The following DLGAP3 variants were observed in gnomAD, a reference collection of about 807,000 sequenced individuals.
DLGAP3 encodes disks large-associated protein 3.
Under a neutral mutation model 81.2 loss-of-function variants are expected in DLGAP3, and 17 were observed. The ratio of observed to expected loss-of-function variants is 0.21; its 90% CI spans 0.14 to 0.31. The LOEUF (loss-of-function observed/expected upper bound fraction) is 0.31. Ranked by LOEUF, DLGAP3 falls within the 10% of genes least tolerant of loss-of-function variation. The pLI, the probability that DLGAP3 is intolerant of heterozygous loss-of-function variation, is 1.00. For missense variants in DLGAP3, 1,124 were observed against 1,388.0 expected (o/e 0.81, Z 3.02); for synonymous variants, 577 against 587.4 (o/e 0.98, Z 0.26).
chr1:34,911,807 C>T (rs1639644660), intron 1 of DLGAP3, among the ~76,000 whole-genome samples: 2 of 152,228 alleles, frequency 1.3e-5, no homozygotes, highest in Admixed American at 1.3e-4. Flanking sequence ...GAGGTTGTCA[C>T]TGCCCCAAGC....
At chr1:34,885,964 G>A (rs1422910801) in intron 6 of DLGAP3, 108 bp downstream of exon 6, 1 of 1,259,356 alleles carries the variant, frequency 7.9e-7, no homozygotes, top group East Asian at 2.5e-5. Context: ...CCGACCCCGG[G>A]AGCGAGCGAT....
chr1:34,865,952 C>T lies in DLGAP3; in HGVS notation c.*131G>A, dbSNP rs1369304534. 2 of 807,484 alleles carry T rather than the reference C, an allele frequency of 2.5e-6. No homozygotes were observed. Among genetic ancestry groups the T allele is most frequent in the Non-Finnish European group, 3.9e-6 (2 of 509,250 alleles). The allele number at this position is 807,484 out of a possible 1,614,324, so 50.0% of individuals were successfully genotyped here. A position where few individuals can be genotyped will look rare whatever the true frequency, so the allele number is the denominator to read the frequency against. On this transcript the variant is annotated 3_prime_UTR_variant, in exon 12 of 12. Transcript: ENST00000373347. ...AAAACCCACGAGAGTGTGACGGGCC[C>T]GGGGGCCGGGGCGTCCGGTGCCGGT... is the stretch of plus-strand genomic sequence containing the variant.
In DLGAP3 at chr1:34,900,257, CAGTCATCT is replaced by C; in HGVS notation, c.1116_1123del (p.Asp373GlyfsTer29). 6.2e-7 allele frequency: 1 copy of C among 1,614,036 alleles called. No homozygotes were observed. Among genetic ancestry groups the C allele is most frequent in the Non-Finnish European group, 8.5e-7 (1 of 1,180,026 alleles). On this transcript the variant is annotated frameshift_variant, in exon 4 of 12. Transcript: ENST00000373347. LOFTEE classifies it high-confidence loss of function. The surrounding 1 kb of genome is among the most constrained non-coding windows in gnomAD (Gnocchi z 5.6). ...CTTGCCACCGGTGGGGTAACCCCCC[CAGTCATCT>C]TGCGGCACCTGCAGGAACAGGGGTC...
At chr1:34,915,031 G>A (rs561132286) in intron 1 of DLGAP3, among the ~76,000 whole-genome samples, 2 of 152,108 alleles carry the variant, frequency 1.3e-5, no homozygotes, top group Non-Finnish European at 2.9e-5. Context: ...CAGGGTTAGT[G>A]GTCTCTCTTG....
chr1:34,927,753 T>C (rs969990520), intron 1 of DLGAP3, among the ~76,000 whole-genome samples: 1 of 142,580 alleles, frequency 7.0e-6, no homozygotes, highest in African/African-American at 2.6e-5. Flanking sequence ...AGCCCCAGCA[T>C]TCAGGGAATG....
intron 8 of DLGAP3, among the ~76,000 whole-genome samples, chr1:34,881,956 A>G (rs574209962): frequency 6.6e-6 from 1 of 152,362 alleles, no homozygotes; most frequent in South Asian, 2.1e-4. Context: ...AAACATAGCC[A>G]CTAAAGTCAA....
Position 34,868,881 on chromosome 1 carries a change from A to G in DLGAP3, c.2209T>C (p.Trp737Arg). The G allele has an allele frequency of 1.3e-6, 2 of 1,597,424 alleles. No individual in the cohort carries two copies. The highest frequency in any genetic ancestry group is 1.3e-5 in the African/African-American group (1 of 74,828). Residue 737 changes from tryptophan to arginine, a missense_variant, in exon 9 of 12, where the codon TGG becomes CGG. Physicochemically the swap from Trp to Arg is moderately radical, Grantham distance 101 (BLOSUM62 -3). This residue lies in a region of DLGAP3 where 379 missense variants were observed against 455.7 expected (regional missense o/e 0.83). Transcript: ENST00000373347. This position sits in a 1 kb window ranked among gnomAD's most constrained non-coding sequence, Gnocchi z 7.5. ...AGTGGGTAGCCCTCGCGGTAGGCCC[A>G]CTGGCCCTGCGTGTGGACCGTGCGG... Reference protein sequence around the residue: ...VFRTVHTQGQWAYREGYPLPY... With the variant: ...VFRTVHTQGQRAYREGYPLPY...
Position 34,900,995 on chromosome 1 carries a change from CT to C in DLGAP3, c.1108-723del, listed in dbSNP as rs1267517024. ...TCGAGGATGACTGCCAGGCTGCTGG[CT>C]GAGGACCTGGGGGAGGGTGCTGCCG... On this transcript the variant is annotated intron_variant, in intron 3 of 11. Coordinates refer to ENST00000373347, the MANE Select transcript of DLGAP3 (RefSeq NM_001080418.3). This position sits in a 1 kb window ranked among gnomAD's most constrained non-coding sequence, Gnocchi z 5.6. Among the ~76,000 whole-genome samples the C allele has an allele frequency of 2.0e-5, 3 of 151,898 alleles. No individual in the cohort carries two copies. Among genetic ancestry groups the C allele is most frequent in the African/African-American group, 7.3e-5 (3 of 41,334 alleles).
intron 5 of DLGAP3, among the ~76,000 whole-genome samples, chr1:34,886,943 CTTTT>C (rs949966445): frequency 4.3e-3 from 275 of 64,246 alleles, no homozygotes; most frequent in Non-Finnish European, 7.0e-3. Context: ...CCCCCACCTT[CTTTT>C]TTTTTTTTTT....
At chr1:34,869,125 AGGC>A in intron 8 of DLGAP3, 36 bp from the exon 9 acceptor site, 1 of 1,505,356 alleles carries the variant, frequency 6.6e-7, no homozygotes, top group Non-Finnish European at 9.0e-7. Flanking sequence ...CCCATTGCCC[AGGC>A]TCATGCCAGC....
chr1:34,874,162 ATGAG>A (rs1639017754), intron 8 of DLGAP3, among the ~76,000 whole-genome samples: 1 of 152,202 alleles, frequency 6.6e-6, no homozygotes, highest in Non-Finnish European at 1.5e-5. Flanking sequence ...ATTCTGGAAC[ATGAG>A]ACCAAAGGGA....
At chr1:34,916,535 T>C (rs182636194) in intron 1 of DLGAP3, among the ~76,000 whole-genome samples, 1 of 152,312 alleles carries the variant, frequency 6.6e-6, no homozygotes, top group African/African-American at 2.4e-5. Flanking sequence ...AAACTGAAGC[T>C]TAGAAATGTA....
chr1:34,880,877 G>A (rs981916826), intron 8 of DLGAP3, among the ~76,000 whole-genome samples: 37 of 152,028 alleles, frequency 2.4e-4, no homozygotes, highest in African/African-American at 8.4e-4. Flanking sequence ...AACCAGAATA[G>A]GTCAATAATC....
At chr1:34,922,128 GC>G (rs1639805363) in intron 1 of DLGAP3, among the ~76,000 whole-genome samples, 1 of 152,108 alleles carries the variant, frequency 6.6e-6, no homozygotes, top group Non-Finnish European at 1.5e-5. Flanking sequence ...CCCACATACA[GC>G]CCTGAGCACC....
rs747171389 is a variant in DLGAP3 at position 34,905,274 on chromosome 1, G to C, written c.110C>G (p.Ser37Cys). Reference sequence around the variant, plus strand: ...GGGCTCGGTGGAGAAGGCCTCCCTGGAGCCCAGCAGGTATGGGGCCCTGGC... The same window carrying C: ...GGGCTCGGTGGAGAAGGCCTCCCTGCAGCCCAGCAGGTATGGGGCCCTGGC... Reference protein sequence around the residue: ...PAARAPYLLGSREAFSTEPRF... With the variant: ...PAARAPYLLGCREAFSTEPRF... The change falls in exon 3 of 12, where the codon TCC becomes TGC. Residue 37 changes from serine (S) to cysteine (C), a missense_variant. By Grantham distance (112) the Ser-to-Cys change is moderately radical (BLOSUM62 -1). Coordinates refer to ENST00000373347, the MANE Select transcript of DLGAP3 (RefSeq NM_001080418.3). 4.5e-6 allele frequency: 7 copies of C among 1,566,914 alleles called. No individual in the cohort carries two copies. The Admixed American group carries it at 1.3e-4, about 29-fold the overall frequency.
chr1:34,900,026 CA>C lies in DLGAP3; in HGVS notation c.1313+41del. On this transcript the variant is annotated intron_variant, in intron 4 of 11. Transcript: ENST00000373347. The surrounding 1 kb of genome is among the most constrained non-coding windows in gnomAD (Gnocchi z 5.6). ...CACATCTCCCGCAGGAGTCCAGCATCAGCCTCCTGACCCCGCACCCCCCGGC... is the reference window on the plus strand; with the variant it reads ...CACATCTCCCGCAGGAGTCCAGCATCGCCTCCTGACCCCGCACCCCCCGGC... 1.3e-6 allele frequency: 2 copies of C among 1,543,066 alleles called. No homozygotes were observed. The highest frequency in any genetic ancestry group is 1.8e-6 in the Non-Finnish European group (2 of 1,123,474).
chr1:34,889,104 A>G (rs1464825271), intron 5 of DLGAP3, among the ~76,000 whole-genome samples: 1 of 152,230 alleles, frequency 6.6e-6, no homozygotes, highest in African/African-American at 2.4e-5. Flanking sequence ...TATAGCTACT[A>G]TTATTAGCAA....
intron 1 of DLGAP3, among the ~76,000 whole-genome samples, chr1:34,907,671 G>A (rs1039476810): frequency 1.3e-5 from 2 of 152,116 alleles, no homozygotes; most frequent in South Asian, 2.1e-4. Context: ...AGGTGTCTGT[G>A]GGATCTGTCC....
At position 34,865,930 on chromosome 1, in the gene DLGAP3, A is replaced by C. The variant is rs754330168; in HGVS notation, c.*153T>G. 4.1e-6 allele frequency: 3 copies of C among 737,400 alleles called. No individual in the cohort carries two copies. The South Asian group carries it at 4.7e-5, about 11-fold the overall frequency. 45.7% of individuals were successfully genotyped at this position (737,400 alleles called of 1,614,324 possible). A position where few individuals can be genotyped will look rare whatever the true frequency, so the allele number is the denominator to read the frequency against. ...TCGCGTGGGATCAGGAAGGTAAAAA[A>C]CCCACGAGAGTGTGACGGGCCCGGG... On this transcript the variant is annotated 3_prime_UTR_variant, in exon 12 of 12. Coordinates refer to ENST00000373347, the MANE Select transcript of DLGAP3 (RefSeq NM_001080418.3).
Sources: gnomAD v4.1 joint callset for allele counts (sites outside exome capture counted in the v4.1 genomes callset) on GRCh38, gnomAD v4.1.1 for gene constraint, gnomAD v4.1.1 regional missense constraint, Gnocchi (gnomAD v3.1) non-coding constraint, MANE v1.5 for transcripts, NCBI Gene and HGNC (gene_info 2026-07-23, HGNC 2026-07-21) for gene names.